Variants in RBFOX1 observed in about 807,000 individuals in gnomAD.
The protein encoded by RBFOX1 is RNA binding protein fox-1 homolog 1.
Under a neutral mutation model 57.7 loss-of-function variants are expected in RBFOX1, and 8 were observed. The observed-to-expected ratio is 0.14, with a 90% CI of 0.08 to 0.25. RBFOX1 has a LOEUF of 0.25. Ranked by LOEUF, RBFOX1 falls within the 10% of genes least tolerant of loss-of-function variation. The pLI, the probability that RBFOX1 is intolerant of heterozygous loss-of-function variation, is 1.00. For synonymous variants in RBFOX1, 326 were observed against 222.4 expected, an observed-to-expected ratio of 1.47 and a Z score of -4.15; for missense variants, 611 against 548.5, an observed-to-expected ratio of 1.11 and a Z score of -1.14.
intron 2 of RBFOX1, among the ~76,000 whole-genome samples, chr16:6,413,096 G>A (rs1274093634): frequency 1.3e-5 from 2 of 152,194 alleles, no homozygotes; most frequent in African/African-American, 4.8e-5. Context: ...AAGGCGGGTG[G>A]ATCACCTGAG....
At chr16:7,406,701 T>C (rs144815640) in intron 4 of RBFOX1, among the ~76,000 whole-genome samples, 1 of 152,354 alleles carries the variant, frequency 6.6e-6, no homozygotes, top group East Asian at 1.9e-4. Context: ...GTTACTGCTT[T>C]GGCAAATTAC....
At chr16:6,158,182 A>G (rs1289300003) in intron 1 of RBFOX1, among the ~76,000 whole-genome samples, 1 of 152,190 alleles carries the variant, frequency 6.6e-6, no homozygotes, top group African/African-American at 2.4e-5. Context: ...ATCAGACACA[A>G]TGCTGGTCTG....
intron 4 of RBFOX1, among the ~76,000 whole-genome samples, chr16:7,138,159 T>C (rs779860813): frequency 6.6e-6 from 1 of 152,018 alleles, no homozygotes; most frequent in Non-Finnish European, 1.5e-5. Flanking sequence ...AAACAGATAA[T>C]GCAAATCCAA....
chr16:7,246,322 C>T (rs930834398), intron 4 of RBFOX1, among the ~76,000 whole-genome samples: 2 of 152,136 alleles, frequency 1.3e-5, no homozygotes, highest in Admixed American at 6.5e-5. Context: ...CCCTGGATTC[C>T]CTGTCTCCGT....
At chr16:6,986,195 T>TATTTATTTATTTATTTA (rs1555719533) in intron 3 of RBFOX1, among the ~76,000 whole-genome samples, 8 of 149,912 alleles carry the variant, frequency 5.3e-5, no homozygotes, top group African/African-American at 2.0e-4. Flanking sequence ...TTTATTTATT[T>TATTTATTTATTTATTTA]ATTTATTTAT....
chr16:7,259,644 C>A (rs1053653366), intron 4 of RBFOX1, among the ~76,000 whole-genome samples: 2 of 151,876 alleles, frequency 1.3e-5, no homozygotes, highest in Non-Finnish European at 2.9e-5. Flanking sequence ...AATAAACAAG[C>A]CTATAGCTTT....
At chr16:6,665,351 C>G (rs1040165713) in intron 3 of RBFOX1, among the ~76,000 whole-genome samples, 1 of 152,124 alleles carries the variant, frequency 6.6e-6, no homozygotes, top group African/African-American at 2.4e-5. Flanking sequence ...CGGTGGCTCA[C>G]GCCTATAATG....
intron 3 of RBFOX1, among the ~76,000 whole-genome samples, chr16:6,956,565 T>G (rs1280470235): frequency 6.6e-6 from 1 of 152,168 alleles, no homozygotes; most frequent in Non-Finnish European, 1.5e-5. Context: ...CAGTTGTACC[T>G]CTTGCCTCTG....
intron 4 of RBFOX1, among the ~76,000 whole-genome samples, chr16:7,350,661 C>G (rs575834501): frequency 9.9e-5 from 15 of 152,284 alleles, no homozygotes; most frequent in African/African-American, 3.6e-4. Flanking sequence ...ACCATGTTAT[C>G]CACGATTGGC....
At chr16:7,386,453 C>T (rs1239786129) in intron 4 of RBFOX1, among the ~76,000 whole-genome samples, 1 of 149,258 alleles carries the variant, frequency 6.7e-6, no homozygotes. Context: ...TTGTTCACCT[C>T]CCACTTATGA....
At chr16:5,248,956 C>G (rs1362520044) in intron 1 of RBFOX1, among the ~76,000 whole-genome samples, 3 of 127,810 alleles carry the variant, frequency 2.3e-5, no homozygotes, top group Admixed American at 1.9e-4. Context: ...CCAGTGCACT[C>G]CAGCCTGGAC....
intron 3 of RBFOX1, among the ~76,000 whole-genome samples, chr16:6,909,156 T>A (rs1225928327): frequency 1.3e-5 from 2 of 152,146 alleles, no homozygotes; most frequent in African/African-American, 4.8e-5. Flanking sequence ...ACGTCAACAG[T>A]GTTGCATTTC....
At chr16:5,456,717 G>T (rs939920771) in intron 1 of RBFOX1, among the ~76,000 whole-genome samples, 2 of 152,040 alleles carry the variant, frequency 1.3e-5, no homozygotes, top group Admixed American at 6.6e-5. Flanking sequence ...TTTAATAGCT[G>T]TTAGCTGGGG....
intron 6 of RBFOX1, among the ~76,000 whole-genome samples, chr16:7,581,555 T>G (rs1403308247): frequency 6.6e-6 from 1 of 152,158 alleles, no homozygotes; most frequent in Non-Finnish European, 1.5e-5. Context: ...TACTGCAGGC[T>G]ACAATGCTAA....
intron 4 of RBFOX1, among the ~76,000 whole-genome samples, chr16:7,291,793 G>C (rs886894495): frequency 1.3e-5 from 2 of 151,430 alleles, no homozygotes; most frequent in African/African-American, 2.4e-5. Flanking sequence ...ATTCTGCAAA[G>C]AGTCTGATGC....
At chr16:6,182,209 T>A (rs2097068849) in intron 1 of RBFOX1, among the ~76,000 whole-genome samples, 1 of 152,162 alleles carries the variant, frequency 6.6e-6, no homozygotes, top group East Asian at 1.9e-4. Context: ...GTGAATGACT[T>A]AAGATGTGTT....
chr16:5,895,370 T>C (rs1374566508), intron 4 of RBFOX1, among the ~76,000 whole-genome samples: 3 of 152,188 alleles, frequency 2.0e-5, no homozygotes, highest in African/African-American at 7.2e-5. Flanking sequence ...ATATTAGATT[T>C]CTAAGATGAG....
intron 2 of RBFOX1, among the ~76,000 whole-genome samples, chr16:6,391,994 T>C (rs1348421713): frequency 2.0e-5 from 3 of 152,116 alleles, no homozygotes; most frequent in African/African-American, 7.2e-5. Context: ...GAAGAATAAG[T>C]AGGATTTTTC....
chr16:7,263,612 A>C (rs1687975514), intron 4 of RBFOX1, among the ~76,000 whole-genome samples: 1 of 152,046 alleles, frequency 6.6e-6, no homozygotes, highest in South Asian at 2.1e-4. Flanking sequence ...AAGAGGTAGA[A>C]AGAGGCTGGG....
Sources: gnomAD v4.1 joint callset for allele counts (sites outside exome capture counted in the v4.1 genomes callset) on GRCh38, gnomAD v4.1.1 for gene constraint, MANE v1.5 for transcripts, NCBI Gene and HGNC (gene_info 2026-07-23, HGNC 2026-07-21) for gene names.